LRBA: variants seen among roughly 807,000 people sequenced by gnomAD.
LRBA encodes lipopolysaccharide-responsive and beige-like anchor protein.
Under a neutral mutation model 330.0 loss-of-function variants are expected in LRBA, and 176 were observed. The ratio of observed to expected loss-of-function variants is 0.53; its 90% CI spans 0.47 to 0.60. The LOEUF is 0.60. Among genes scored for constraint, LRBA ranks in the 20% least tolerant of loss-of-function variants. The pLI is 0.00. For synonymous variants in LRBA, 1,230 were observed against 1,193.0 expected, an observed-to-expected ratio of 1.03 and a Z score of -0.64; for missense variants, 3,259 against 3,444.8, an observed-to-expected ratio of 0.95 and a Z score of 1.35.
At chr4:150,801,232 A>G (rs985539704) in intron 33 of LRBA, among the ~76,000 whole-genome samples, 2 of 152,216 alleles carry the variant, frequency 1.3e-5, no homozygotes, top group Non-Finnish European at 2.9e-5. Context: ...AGGTATATAC[A>G]TATACTCCAA....
intron 17 of LRBA, among the ~76,000 whole-genome samples, chr4:150,882,142 T>C (rs1728469600): frequency 6.6e-6 from 1 of 152,110 alleles, no homozygotes; most frequent in South Asian, 2.1e-4. Flanking sequence ...ACATTGTCTA[T>C]GTACTTTCAA....
chr4:150,903,958 G>C (rs1266260529), intron 13 of LRBA, among the ~76,000 whole-genome samples: 1 of 152,140 alleles, frequency 6.6e-6, no homozygotes. Flanking sequence ...CCATAAAGTA[G>C]TCACTCAACA....
intron 46 of LRBA, among the ~76,000 whole-genome samples, chr4:150,429,501 TA>T (rs1490992791): frequency 6.6e-6 from 1 of 152,042 alleles, no homozygotes; most frequent in African/African-American, 2.4e-5. Context: ...CCATTTACGA[TA>T]GGGGGAAGAC....
chr4:150,693,425 G>A (rs1039471194), intron 36 of LRBA, among the ~76,000 whole-genome samples: 10 of 150,152 alleles, frequency 6.7e-5, no homozygotes, highest in South Asian at 4.2e-4. Context: ...TTAGCCGGGC[G>A]TAGTGGCGGG....
chr4:150,360,610 A>C (rs906002199), intron 47 of LRBA, among the ~76,000 whole-genome samples: 1 of 152,218 alleles, frequency 6.6e-6, no homozygotes, highest in East Asian at 1.9e-4. Context: ...GCAGGAGTTA[A>C]CAATACTTAA....
intron 47 of LRBA, among the ~76,000 whole-genome samples, chr4:150,350,857 T>C (rs1279800593): frequency 6.6e-6 from 1 of 152,204 alleles, no homozygotes; most frequent in East Asian, 1.9e-4. Flanking sequence ...GTTAAAAATT[T>C]ACCATCCACT....
chr4:150,712,161 A>G (rs913797930), intron 36 of LRBA, among the ~76,000 whole-genome samples: 1 of 152,218 alleles, frequency 6.6e-6, no homozygotes. Flanking sequence ...TCTTTTCTTC[A>G]TCTGTAAAAC....
chr4:150,325,587 C>T (rs189852281), intron 49 of LRBA, among the ~76,000 whole-genome samples: 1 of 152,184 alleles, frequency 6.6e-6, no homozygotes, highest in East Asian at 1.9e-4. Context: ...ACACAAGACA[C>T]CAACTGATGA....
chr4:150,575,204 T>G (rs1354665314), intron 40 of LRBA, among the ~76,000 whole-genome samples: 6 of 151,978 alleles, frequency 3.9e-5, no homozygotes, highest in African/African-American at 1.4e-4. Context: ...ATTCCTTAGA[T>G]CATTAAATAT....
chr4:150,505,378 G>A (rs1353289404), intron 40 of LRBA, among the ~76,000 whole-genome samples: 3 of 152,076 alleles, frequency 2.0e-5, no homozygotes, highest in African/African-American at 7.2e-5. Flanking sequence ...ATAACAAACT[G>A]TCTCTCAGAC....
chr4:150,450,653 G>T (rs1473154983), intron 44 of LRBA, among the ~76,000 whole-genome samples: 1 of 152,146 alleles, frequency 6.6e-6, no homozygotes, highest in African/African-American at 2.4e-5. Flanking sequence ...GTACCTGGAG[G>T]TTAGGACTTT....
intron 48 of LRBA, among the ~76,000 whole-genome samples, chr4:150,329,094 G>A (rs1190764554): frequency 1.3e-5 from 2 of 152,118 alleles, no homozygotes; most frequent in Admixed American, 1.3e-4. Flanking sequence ...TAATATAGTG[G>A]TCTGATTATT....
intron 47 of LRBA, among the ~76,000 whole-genome samples, chr4:150,367,838 T>TCTACGAAGAATATTCTC (rs1459384675): frequency 6.6e-6 from 1 of 152,186 alleles, no homozygotes; most frequent in Non-Finnish European, 1.5e-5. Context: ...TTCATATTCT[T>TCTACGAAGAATATTCTC]CTATGAAGAA....
chr4:150,523,543 C>G (rs908846001), intron 40 of LRBA, among the ~76,000 whole-genome samples: 1 of 151,974 alleles, frequency 6.6e-6, no homozygotes, highest in Non-Finnish European at 1.5e-5. Flanking sequence ...TTTTGCTATA[C>G]CAGCACAAAC....
chr4:150,539,017 C>A (rs1014108591), intron 40 of LRBA, among the ~76,000 whole-genome samples: 1 of 151,854 alleles, frequency 6.6e-6, no homozygotes, highest in Non-Finnish European at 1.5e-5. Context: ...TTCTTGTCAC[C>A]CAGGCTGGAG....
chr4:150,653,319 A>G (rs1779881869), intron 37 of LRBA, among the ~76,000 whole-genome samples: 1 of 152,236 alleles, frequency 6.6e-6, no homozygotes, highest in South Asian at 2.1e-4. Context: ...GGTAATCCAT[A>G]AAGATTTTGT....
chr4:150,769,355 G>A (rs1736238212), intron 34 of LRBA, among the ~76,000 whole-genome samples: 1 of 152,048 alleles, frequency 6.6e-6, no homozygotes, highest in Non-Finnish European at 1.5e-5. Context: ...CACAGAGACA[G>A]AGAGAGAAAG....
At chr4:150,791,794 C>T (rs545107862) in intron 34 of LRBA, among the ~76,000 whole-genome samples, 5 of 151,864 alleles carry the variant, frequency 3.3e-5, no homozygotes, top group East Asian at 3.9e-4. Context: ...TTTGGGAGGC[C>T]GAGGCAGGTG....
At chr4:150,793,458 T>G (rs1414799938) in intron 34 of LRBA, among the ~76,000 whole-genome samples, 1 of 152,222 alleles carries the variant, frequency 6.6e-6, no homozygotes, top group African/African-American at 2.4e-5. Context: ...CAGGAAAGTA[T>G]GGAGGTATTT....
Sources: allele counts gnomAD v4.1 joint callset (sites outside exome capture counted in the v4.1 genomes callset), GRCh38; gene constraint gnomAD v4.1.1; transcripts MANE v1.5; gene names NCBI Gene and HGNC (gene_info 2026-07-23, HGNC 2026-07-21).